The following LOC400499 variants were observed in gnomAD, a reference collection of about 807,000 sequenced individuals.
chr16:11,494,480 A>T, the LOC400499 span: 1 of 273,262 alleles, frequency 3.7e-6, no homozygotes, highest in East Asian at 6.1e-5. Flanking sequence ...AAAGGGGGGA[A>T]CCCACCCCCA....
the LOC400499 span, chr16:11,398,500 G>C: frequency 8.1e-7 from 1 of 1,232,090 alleles, no homozygotes; most frequent in Non-Finnish European, 1.0e-6. Context: ...GGCTGAGATG[G>C]CCAATGCCTC....
At chr16:11,395,828 A>G in the LOC400499 span, among the ~76,000 whole-genome samples, 246 of 152,250 alleles carry the variant, frequency 1.6e-3, 1 homozygote, top group African/African-American at 5.6e-3. Context: ...TGCCTTGGCT[A>G]CGCAGGCAGC....
chr16:11,497,681 TG>T, the LOC400499 span, among the ~76,000 whole-genome samples: 1 of 152,166 alleles, frequency 6.6e-6, no homozygotes, highest in African/African-American at 2.4e-5. Flanking sequence ...GCATGAGGCC[TG>T]GGTGCTGAGC....
At chr16:11,478,877 G>A in the LOC400499 span, among the ~76,000 whole-genome samples, 1 of 152,144 alleles carries the variant, frequency 6.6e-6, no homozygotes, top group Non-Finnish European at 1.5e-5. Flanking sequence ...TAGTGAATGG[G>A]GCTCAGGAGA....
chr16:11,432,677 C>T, the LOC400499 span, among the ~76,000 whole-genome samples: 18 of 152,306 alleles, frequency 1.2e-4, no homozygotes, highest in Admixed American at 2.0e-4. Context: ...TATCATCACA[C>T]AGTGAGTTCC....
At chr16:11,440,493 G>A in the LOC400499 span, among the ~76,000 whole-genome samples, 1 of 152,186 alleles carries the variant, frequency 6.6e-6, no homozygotes, top group Non-Finnish European at 1.5e-5. Context: ...GCAGAGCCAC[G>A]CTGAACTGCA....
At chr16:11,431,426 G>A in the LOC400499 span, among the ~76,000 whole-genome samples, 1 of 151,968 alleles carries the variant, frequency 6.6e-6, no homozygotes, top group Non-Finnish European at 1.5e-5. Flanking sequence ...TTTTTCCTAG[G>A]AGACAGAGTG....
At chr16:11,514,095 G>C in the LOC400499 span, among the ~76,000 whole-genome samples, 7 of 152,290 alleles carry the variant, frequency 4.6e-5, no homozygotes, top group South Asian at 4.1e-4. Context: ...ATTTAAGGTT[G>C]AGAAACAGAA....
chr16:11,501,593 G>A, the LOC400499 span, among the ~76,000 whole-genome samples: 3 of 151,968 alleles, frequency 2.0e-5, no homozygotes, highest in African/African-American at 7.3e-5. Flanking sequence ...CCTGAGCATA[G>A]CCGTAAGCTG....
the LOC400499 span, chr16:11,514,662 C>T: frequency 7.5e-6 from 3 of 398,008 alleles, no homozygotes; most frequent in Non-Finnish European, 1.3e-5. Context: ...ATTCCCCACT[C>T]AGCGAGGCTG....
the LOC400499 span, among the ~76,000 whole-genome samples, chr16:11,405,549 C>T: frequency 5.9e-5 from 9 of 152,084 alleles, no homozygotes; most frequent in African/African-American, 1.7e-4. Context: ...TGCAAAGGTT[C>T]GGAGAGGGAC....
At chr16:11,403,487 T>G in the LOC400499 span, among the ~76,000 whole-genome samples, 1 of 151,234 alleles carries the variant, frequency 6.6e-6, no homozygotes, top group African/African-American at 2.5e-5. Context: ...ACACATACAC[T>G]CATGAGCACA....
chr16:11,411,419 G>C, the LOC400499 span: 135 of 398,402 alleles, frequency 3.4e-4, 1 homozygote, highest in African/African-American at 2.3e-3. Context: ...GGACTTCCCC[G>C]AGAGAGAGTC....
At chr16:11,395,646 G>A in the LOC400499 span, among the ~76,000 whole-genome samples, 2 of 152,264 alleles carry the variant, frequency 1.3e-5, no homozygotes, top group Non-Finnish European at 2.9e-5. Flanking sequence ...ACATGCAGAT[G>A]TTGTACAAAT....
the LOC400499 span, among the ~76,000 whole-genome samples, chr16:11,456,600 G>C: frequency 2.6e-5 from 4 of 152,110 alleles, no homozygotes; most frequent in Admixed American, 1.3e-4. Flanking sequence ...TCGTTTGTTT[G>C]TTTTTAAAAT....
At chr16:11,498,780 C>A in the LOC400499 span, among the ~76,000 whole-genome samples, 3 of 151,712 alleles carry the variant, frequency 2.0e-5, no homozygotes, top group African/African-American at 7.3e-5. Context: ...CCGATCGATG[C>A]CACCTGCTTG....
the LOC400499 span, among the ~76,000 whole-genome samples, chr16:11,382,145 C>CCAGGCTGGT: frequency 2.6e-5 from 4 of 152,098 alleles, no homozygotes; most frequent in Non-Finnish European, 5.9e-5. Context: ...GCCATGTTGG[C>CCAGGCTGGT]CAGGCTGGTC....
chr16:11,430,167 C>T, the LOC400499 span, among the ~76,000 whole-genome samples: 2 of 152,122 alleles, frequency 1.3e-5, no homozygotes, highest in African/African-American at 2.4e-5. Context: ...GGCTGTTTCA[C>T]AACATGACTG....
the LOC400499 span, chr16:11,471,985 T>C: frequency 2.5e-6 from 1 of 396,096 alleles, no homozygotes; most frequent in Non-Finnish European, 4.4e-6. Context: ...TAGACCAGGG[T>C]TTCTCTGCCT....
Sources: allele counts gnomAD v4.1 joint callset (sites outside exome capture counted in the v4.1 genomes callset), GRCh38; gene constraint gnomAD v4.1.1; transcripts MANE v1.5.